Variants in DTNBP1 observed in about 807,000 individuals in gnomAD.
DTNBP1 encodes the protein dysbindin.
Under a neutral mutation model 42.8 loss-of-function variants are expected in DTNBP1, and 35 were observed. The observed-to-expected ratio is 0.82, with a 90% confidence interval of 0.63 to 1.09. The LOEUF is 1.09. DTNBP1 is among the 50% of genes least tolerant of loss of function. The pLI is 0.00. For synonymous variants in DTNBP1, 171 were observed against 162.2 expected (o/e 1.05, Z -0.41); for missense variants, 457 against 424.2 (o/e 1.08, Z -0.68).
chr6:15,539,411 C>T (rs1208819336), intron 7 of DTNBP1, among the ~76,000 whole-genome samples: 2 of 152,228 alleles, frequency 1.3e-5, no homozygotes, highest in African/African-American at 4.8e-5. Flanking sequence ...ACTCCTAGCG[C>T]CTCTTGGCAC....
chr6:15,623,852 T>C (rs967654023), intron 5 of DTNBP1, among the ~76,000 whole-genome samples: 3 of 152,220 alleles, frequency 2.0e-5, no homozygotes, highest in African/African-American at 7.2e-5. Context: ...ATTGTATGCT[T>C]ACACACCTTC....
chr6:15,613,401 C>G (rs1377090187), intron 6 of DTNBP1, among the ~76,000 whole-genome samples: 2 of 105,200 alleles, frequency 1.9e-5, no homozygotes, highest in Non-Finnish European at 3.5e-5. Context: ...GAGTCTTGCT[C>G]TGTTGCCCAG....
At chr6:15,611,222 C>T (rs907411471) in intron 6 of DTNBP1, among the ~76,000 whole-genome samples, 2 of 152,192 alleles carry the variant, frequency 1.3e-5, no homozygotes, top group Non-Finnish European at 2.9e-5. Flanking sequence ...GCTAAATTTA[C>T]TCTGCCTGTG....
chr6:15,660,794 C>T (rs561047059), intron 1 of DTNBP1, among the ~76,000 whole-genome samples: 1 of 152,280 alleles, frequency 6.6e-6, no homozygotes, highest in East Asian at 1.9e-4. Flanking sequence ...AGCATGAATG[C>T]TTCTGAGGCA....
chr6:15,578,962 T>C (rs369664967), intron 7 of DTNBP1, among the ~76,000 whole-genome samples: 12 of 152,302 alleles, frequency 7.9e-5, no homozygotes, highest in East Asian at 3.9e-4. Flanking sequence ...CTGTAAATTA[T>C]CTCAGTTGTT....
chr6:15,637,689 T>C (rs1760109348), intron 4 of DTNBP1, 55 bp downstream of exon 4: 1 of 1,550,146 alleles, frequency 6.5e-7, no homozygotes, highest in South Asian at 1.1e-5. Context: ...AAAAATACCA[T>C]TTAGCACTGA....
intron 6 of DTNBP1, among the ~76,000 whole-genome samples, chr6:15,613,772 TG>T (rs1263158043): frequency 6.6e-6 from 1 of 152,104 alleles, no homozygotes; most frequent in Non-Finnish European, 1.5e-5. Flanking sequence ...CAACCTTTTG[TG>T]AACAATTTGA....
At chr6:15,656,704 T>A (rs1761301620) in intron 1 of DTNBP1, among the ~76,000 whole-genome samples, 1 of 152,004 alleles carries the variant, frequency 6.6e-6, no homozygotes, top group Non-Finnish European at 1.5e-5. Context: ...GCCATGAGCA[T>A]ACCACAGCAC....
intron 7 of DTNBP1, among the ~76,000 whole-genome samples, chr6:15,583,784 T>G (rs534116294): frequency 6.6e-6 from 1 of 152,328 alleles, no homozygotes; most frequent in African/African-American, 2.4e-5. Context: ...AATACTCTAT[T>G]GCTATAATTA....
intron 5 of DTNBP1, among the ~76,000 whole-genome samples, chr6:15,626,349 C>G (rs1759345222): frequency 6.6e-6 from 1 of 152,218 alleles, no homozygotes; most frequent in South Asian, 2.1e-4. Flanking sequence ...AGCAACAGCA[C>G]TCCAAATACT....
chr6:15,532,103 A>G (rs998821591), intron 8 of DTNBP1, among the ~76,000 whole-genome samples: 3 of 152,028 alleles, frequency 2.0e-5, no homozygotes, highest in Admixed American at 2.0e-4. Flanking sequence ...GGAGGTGTCC[A>G]GAAGATGATG....
intron 6 of DTNBP1, among the ~76,000 whole-genome samples, chr6:15,598,355 C>T (rs1776593578): frequency 6.6e-6 from 1 of 152,184 alleles, no homozygotes; most frequent in African/African-American, 2.4e-5. Context: ...TAAACTGCCT[C>T]CCTAGGACAA....
intron 7 of DTNBP1, among the ~76,000 whole-genome samples, chr6:15,543,121 C>G (rs1395019308): frequency 6.6e-6 from 1 of 152,118 alleles, no homozygotes; most frequent in Non-Finnish European, 1.5e-5. Context: ...TTTTAGGGGA[C>G]TTTTCCTATT....
intron 3 of DTNBP1, among the ~76,000 whole-genome samples, chr6:15,646,856 A>G (rs889007858): frequency 6.6e-6 from 1 of 152,054 alleles, no homozygotes; most frequent in Non-Finnish European, 1.5e-5. Context: ...CTTACCATAT[A>G]CAAAAATTAG....
At chr6:15,552,020 G>A (rs930442898) in intron 7 of DTNBP1, among the ~76,000 whole-genome samples, 2 of 152,304 alleles carry the variant, frequency 1.3e-5, no homozygotes, top group African/African-American at 4.8e-5. Context: ...CTATGGGCTG[G>A]AAACAAACAA....
At chr6:15,636,621 A>AT (rs969963031) in intron 4 of DTNBP1, among the ~76,000 whole-genome samples, 3 of 151,996 alleles carry the variant, frequency 2.0e-5, no homozygotes, top group African/African-American at 7.2e-5. Flanking sequence ...CAACAGGTAC[A>AT]TTTTTTTTCC....
chr6:15,524,078 AAC>A, intron 9 of DTNBP1: 1 of 1,314,982 alleles, frequency 7.6e-7, no homozygotes, highest in Non-Finnish European at 9.9e-7. Flanking sequence ...CTAAGTTTAC[AAC>A]ACAGGCCAAG....
chr6:15,583,129 T>C (rs959860343), intron 7 of DTNBP1, among the ~76,000 whole-genome samples: 1 of 152,084 alleles, frequency 6.6e-6, no homozygotes, highest in Non-Finnish European at 1.5e-5. Context: ...TACAGGTGCA[T>C]GCCACCATGC....
At chr6:15,642,675 G>A (rs2619553) in intron 3 of DTNBP1, among the ~76,000 whole-genome samples, 1 of 152,104 alleles carries the variant, frequency 6.6e-6, no homozygotes, top group Admixed American at 6.6e-5. Flanking sequence ...ACAGTAAGCA[G>A]CATCTGAGAA....
Sources: gnomAD v4.1 joint callset for allele counts (sites outside exome capture counted in the v4.1 genomes callset) on GRCh38, gnomAD v4.1.1 for gene constraint, MANE v1.5 for transcripts, NCBI Gene and HGNC (gene_info 2026-07-23, HGNC 2026-07-21) for gene names.